NTAQ1: variants seen among roughly 807,000 people sequenced by gnomAD.
NTAQ1 encodes N-terminal glutamine amidase 1.
NTAQ1 carries 21 observed loss-of-function variants against 28.2 expected under a neutral mutation model. The ratio of observed to expected loss-of-function variants is 0.74; its 90% CI spans 0.53 to 1.07. The LOEUF (loss-of-function observed/expected upper bound fraction) is 1.07, where lower values mean the gene tolerates loss of function less well. Ranked by LOEUF, NTAQ1 falls within the 50% of genes least tolerant of loss-of-function variation. The pLI is 0.00. For missense variants in NTAQ1, 264 were observed against 256.6 expected (o/e 1.03, Z -0.20); for synonymous variants, 105 against 90.0 (o/e 1.17, Z -0.94).
intron 3 of NTAQ1, among the ~76,000 whole-genome samples, chr8:123,433,275 A>G (rs1036618875): frequency 2.6e-5 from 4 of 152,120 alleles, no homozygotes; most frequent in African/African-American, 7.2e-5. Flanking sequence ...TGAACTTACT[A>G]GAGAGTTGTG....
chr8:123,462,836 A>G (rs1240058939), intron 6 of NTAQ1, among the ~76,000 whole-genome samples: 1 of 152,206 alleles, frequency 6.6e-6, no homozygotes, highest in Non-Finnish European at 1.5e-5. Context: ...TTGACACCAT[A>G]GAGAGCAAAC....
In NTAQ1 at chr8:123,423,003, C is replaced by T. The variant is rs183209234; in HGVS notation, c.84-4921C>T. Among the ~76,000 whole-genome samples the T allele has an allele frequency of 1.9e-4, 29 of 152,138 alleles. No homozygotes were observed. In the East Asian group the frequency reaches 2.9e-3, roughly 15 times the overall value. Reference sequence around the variant, plus strand: ...GGTTCTCTAACCTGTTCCATTGGTCCGTGTGTCTGTTTTTGTACCAGTACC... The same window carrying T: ...GGTTCTCTAACCTGTTCCATTGGTCTGTGTGTCTGTTTTTGTACCAGTACC... On this transcript the variant is annotated intron_variant, in intron 1 of 5. Coordinates refer to ENST00000287387, the MANE Select transcript of NTAQ1 (RefSeq NM_018024.3).
intron 6 of NTAQ1, among the ~76,000 whole-genome samples, chr8:123,459,054 G>T (rs1467492820): frequency 6.6e-6 from 1 of 151,930 alleles, no homozygotes; most frequent in Admixed American, 6.6e-5. Context: ...CTCCAGCCTG[G>T]CAACAGAGTG....
At position 123,430,143 on chromosome 8, in the gene NTAQ1, T is replaced by C. The variant is rs185578335; in HGVS notation, c.234+110T>C. On this transcript the variant is annotated intron_variant, in intron 3 of 5. Transcript: ENST00000287387. ...CCTAAGCAGTAGAGAAAGGCTATGG[T>C]AATTATTAATAAATTGACCTTTTGA... 422 of 651,044 alleles carry C rather than the reference T, an allele frequency of 6.5e-4. 1 individual carries two copies. The African/African-American group carries it at 6.7e-3, about 10-fold the overall frequency. The allele number at this position is 651,044 out of a possible 1,614,324, so 40.3% of individuals were successfully genotyped here. A position where few individuals can be genotyped will look rare whatever the true frequency, so the allele number is the denominator to read the frequency against.
chr8:123,460,276 C>A (rs544280283), intron 6 of NTAQ1, among the ~76,000 whole-genome samples: 6 of 152,174 alleles, frequency 3.9e-5, no homozygotes, highest in Non-Finnish European at 8.8e-5. Context: ...CTTACAATAA[C>A]CTTATGAAGT....
In NTAQ1 at chr8:123,428,096, A is replaced by AAAT. The variant is rs1554651934; in HGVS notation, c.183+75_183+76insTAA. The AAAT allele has an allele frequency of 1.6e-5, 16 of 1,024,296 alleles. No homozygotes were observed. The Admixed American group carries it at 2.6e-4, about 17-fold the overall frequency. The allele number at this position is 1,024,296 out of a possible 1,614,324, so 63.5% of individuals were successfully genotyped here. On this transcript the variant is annotated intron_variant, in intron 2 of 5. Coordinates refer to ENST00000287387, the MANE Select transcript of NTAQ1 (RefSeq NM_018024.3). ...CATTAGAAGCTAAATTAAAAAAAAA[A>AAAT]AAGCTAAATATAGCATGGGTGTAGT...
intron 1 of NTAQ1, among the ~76,000 whole-genome samples, chr8:123,427,490 G>A (rs921499631): frequency 4.0e-5 from 6 of 151,890 alleles, no homozygotes; most frequent in African/African-American, 1.5e-4. Flanking sequence ...GGCTGGTCTC[G>A]AACTCCTGAC....
chr8:123,465,574 C>CTTTTTTTTTTTTTTT (rs71310691), intron 6 of NTAQ1, among the ~76,000 whole-genome samples: 1 of 78,560 alleles, frequency 1.3e-5, no homozygotes. Context: ...AGCATAACAT[C>CTTTTTTTTTTTTTTT]TTTTTTTTTT....
At chr8:123,450,604 A>T (rs1317614188), downstream of NTAQ1, among the ~76,000 whole-genome samples, 1 of 151,792 alleles carries the variant, frequency 6.6e-6, no homozygotes, top group African/African-American at 2.4e-5. Flanking sequence ...CAGGGCAAAC[A>T]CTCCTCAGTT....
At chr8:123,422,282 G>C (rs1304044515) in intron 1 of NTAQ1, among the ~76,000 whole-genome samples, 4 of 145,410 alleles carry the variant, frequency 2.8e-5, no homozygotes, top group African/African-American at 1.0e-4. Context: ...TTTGTTTTGG[G>C]TTTTTTTTTT....
At chr8:123,447,462 C>G (rs1432475871) in intron 6 of NTAQ1, among the ~76,000 whole-genome samples, 3 of 152,118 alleles carry the variant, frequency 2.0e-5, no homozygotes, top group African/African-American at 7.2e-5. Flanking sequence ...TGTGTATTAT[C>G]TAGAAGTCAT....
downstream of NTAQ1, among the ~76,000 whole-genome samples, chr8:123,442,943 C>T (rs1815135571): frequency 6.6e-6 from 1 of 152,104 alleles, no homozygotes; most frequent in African/African-American, 2.4e-5. Context: ...ACTGGGATTA[C>T]AGGCATGAGC....
intron 1 of NTAQ1, among the ~76,000 whole-genome samples, chr8:123,419,578 T>C (rs1243495447): frequency 6.6e-6 from 1 of 152,202 alleles, no homozygotes; most frequent in African/African-American, 2.4e-5. Context: ...TTAATTGTTT[T>C]GTGTTTTTCA....
At chr8:123,443,926 G>A (rs927202272), downstream of NTAQ1, among the ~76,000 whole-genome samples, 23 of 152,138 alleles carry the variant, frequency 1.5e-4, no homozygotes, top group African/African-American at 4.1e-4. Context: ...CAGCTTGTGC[G>A]AGCTGGATTT....
intron 3 of NTAQ1, chr8:123,435,580 A>G: frequency 2.1e-6 from 2 of 967,508 alleles, no homozygotes; most frequent in Non-Finnish European, 2.5e-6. Flanking sequence ...AACAAATAGC[A>G]GGTGGGGCCG....
At chr8:123,465,504 A>C (rs1299197645) in intron 6 of NTAQ1, among the ~76,000 whole-genome samples, 1 of 151,082 alleles carries the variant, frequency 6.6e-6, no homozygotes, top group African/African-American at 2.4e-5. Context: ...TGTCATTTTA[A>C]GAGTGTTCTG....
exon 7 of NTAQ1, among the ~76,000 whole-genome samples, chr8:123,469,346 A>C (rs1816019772): frequency 6.6e-6 from 1 of 152,188 alleles, no homozygotes; most frequent in South Asian, 2.1e-4. Context: ...GGTTTGAGTG[A>C]ACTTTAACAT....
intron 3 of NTAQ1, among the ~76,000 whole-genome samples, chr8:123,436,212 A>G (rs10505437): frequency 0.36 from 53,395 of 148,162 alleles, 9,844 homozygotes; most frequent in East Asian, 0.56. Context: ...GTAAAATTGC[A>G]GTTTCAGAGG....
chr8:123,427,747 G>A (rs1205779088), intron 1 of NTAQ1, among the ~76,000 whole-genome samples, 177 bp from the exon 2 acceptor site: 1 of 152,180 alleles, frequency 6.6e-6, no homozygotes, highest in East Asian at 1.9e-4. Context: ...ACACAGTATA[G>A]GTTGAATACC....
Sources: gnomAD v4.1 joint callset for allele counts (sites outside exome capture counted in the v4.1 genomes callset) on GRCh38, gnomAD v4.1.1 for gene constraint, MANE v1.5 for transcripts, NCBI Gene and HGNC (gene_info 2026-07-23, HGNC 2026-07-21) for gene names.